Variants in COP1 observed in about 807,000 individuals in gnomAD.
COP1 encodes E3 ubiquitin-protein ligase COP1.
Under a neutral mutation model 101.3 loss-of-function variants are expected in COP1, and 24 were observed. That is an observed-to-expected ratio of 0.24 (90% CI 0.17 to 0.33). The LOEUF is 0.33. Ranked by LOEUF, COP1 falls within the 10% of genes least tolerant of loss-of-function variation. The pLI is 1.00. For synonymous variants in COP1, 347 were observed against 341.9 expected (o/e 1.01, Z -0.17); for missense variants, 663 against 906.2 (o/e 0.73, Z 3.45).
chr1:176,075,304 C>A (rs1305281096), intron 11 of COP1, among the ~76,000 whole-genome samples: 2 of 152,168 alleles, frequency 1.3e-5, no homozygotes, highest in Admixed American at 1.3e-4. Flanking sequence ...AATAAAAGAT[C>A]TCCTCCAATA....
intron 18 of COP1, among the ~76,000 whole-genome samples, chr1:175,955,767 C>CACACACACACACACAA (rs1491153388): frequency 0.039 from 63 of 1,628 alleles, 2 homozygotes; most frequent in African/African-American, 0.072. Context: ...AGAGACAAAC[C>CACACACACACACACAA]ACACACACAC....
chr1:176,103,922 A>G (rs992018035), intron 9 of COP1, among the ~76,000 whole-genome samples: 4 of 152,186 alleles, frequency 2.6e-5, no homozygotes, highest in African/African-American at 9.6e-5. Context: ...GGAGCTAGAT[A>G]AACTGATACT....
At chr1:175,966,854 G>GT (rs1272855755) in intron 18 of COP1, among the ~76,000 whole-genome samples, 7 of 152,116 alleles carry the variant, frequency 4.6e-5, no homozygotes, top group African/African-American at 1.7e-4. Context: ...AACCAAAGTG[G>GT]TAAAGAGTGT....
At chr1:176,114,488 AT>A (rs1558136885) in intron 9 of COP1, among the ~76,000 whole-genome samples, 1 of 151,774 alleles carries the variant, frequency 6.6e-6, no homozygotes, top group East Asian at 1.9e-4. Context: ...TAGGTGTACT[AT>A]TTTTTCAAAT....
chr1:176,120,135 T>C (rs1391390973), intron 8 of COP1, among the ~76,000 whole-genome samples: 3 of 152,138 alleles, frequency 2.0e-5, no homozygotes, highest in African/African-American at 4.8e-5. Flanking sequence ...AATCATATAT[T>C]TTTCAAATAA....
At chr1:176,117,620 C>T (rs1343298066) in intron 8 of COP1, among the ~76,000 whole-genome samples, 7 of 152,186 alleles carry the variant, frequency 4.6e-5, no homozygotes. Context: ...TTAGGCTAGG[C>T]ACGGTCGCTC....
chr1:176,072,955 C>G (rs1677273582), intron 11 of COP1, among the ~76,000 whole-genome samples: 1 of 152,030 alleles, frequency 6.6e-6, no homozygotes, highest in Non-Finnish European at 1.5e-5. Context: ...CTGGGTGTCT[C>G]AAAGGAAAAG....
At chr1:176,159,509 A>C (rs76925198) in intron 5 of COP1, among the ~76,000 whole-genome samples, 4,360 of 152,280 alleles carry the variant, frequency 0.029, 138 homozygotes, top group South Asian at 0.14. Context: ...ATGCGAGCAC[A>C]AGGAGAAAGG....
At chr1:176,123,682 T>C (rs1249516846) in intron 8 of COP1, among the ~76,000 whole-genome samples, 1 of 152,214 alleles carries the variant, frequency 6.6e-6, no homozygotes, top group Admixed American at 6.5e-5. Context: ...TACAGAAGAA[T>C]GTGTAACTTT....
intron 15 of COP1, among the ~76,000 whole-genome samples, chr1:175,990,618 T>G (rs1214845866): frequency 6.6e-6 from 1 of 152,192 alleles, no homozygotes; most frequent in Non-Finnish European, 1.5e-5. Context: ...TGTTTTTCCC[T>G]TAAATATCAC....
intron 18 of COP1, among the ~76,000 whole-genome samples, chr1:175,959,855 A>G (rs887695745): frequency 6.6e-6 from 1 of 152,194 alleles, no homozygotes; most frequent in Non-Finnish European, 1.5e-5. Context: ...CCTGAATTGT[A>G]TAATAGATCA....
chr1:176,101,923 G>A (rs943825758), intron 9 of COP1, among the ~76,000 whole-genome samples: 5 of 152,102 alleles, frequency 3.3e-5, no homozygotes, highest in African/African-American at 1.2e-4. Flanking sequence ...TATCCTTATG[G>A]CAGTTAGATA....
At chr1:175,993,878 C>T (rs995700324) in intron 15 of COP1, among the ~76,000 whole-genome samples, 1 of 152,088 alleles carries the variant, frequency 6.6e-6, no homozygotes, top group Non-Finnish European at 1.5e-5. Flanking sequence ...CTTTCAGATT[C>T]AGGAAATATA....
chr1:176,063,938 A>G (rs553658670), intron 11 of COP1, among the ~76,000 whole-genome samples: 2 of 152,326 alleles, frequency 1.3e-5, no homozygotes, highest in South Asian at 2.1e-4. Flanking sequence ...CACTCATCAC[A>G]AATAGATCAG....
chr1:176,040,493 T>C (rs1670333309), intron 14 of COP1, among the ~76,000 whole-genome samples: 1 of 152,088 alleles, frequency 6.6e-6, no homozygotes, highest in South Asian at 2.1e-4. Context: ...ATTTTTAAAA[T>C]TTTTTGTAGA....
At chr1:176,019,364 G>A (rs1666279789) in intron 15 of COP1, among the ~76,000 whole-genome samples, 1 of 151,390 alleles carries the variant, frequency 6.6e-6, no homozygotes, top group Non-Finnish European at 1.5e-5. Context: ...TCAGGAGGCT[G>A]AGGCAGGAGA....
chr1:176,192,398 G>A (rs1002136195), intron 1 of COP1, among the ~76,000 whole-genome samples: 12 of 152,114 alleles, frequency 7.9e-5, no homozygotes, highest in Admixed American at 3.3e-4. Flanking sequence ...CACAGACACA[G>A]ATCTTCACTA....
intron 3 of COP1, among the ~76,000 whole-genome samples, chr1:176,174,007 A>AAAAAAAAAAAG (rs1456552067): frequency 0.013 from 1,534 of 121,300 alleles, 70 homozygotes; most frequent in East Asian, 0.031. Context: ...AAAAAAAAAA[A>AAAAAAAAAAAG]AGAGAATATA....
Position 175,944,890 on chromosome 1 carries a change from C to A in COP1, c.*263G>T. 3 of 407,600 alleles carry A rather than the reference C, an allele frequency of 7.4e-6. No individual in the cohort carries two copies. The highest frequency in any genetic ancestry group is 1.6e-4 in the South Asian group (2 of 12,860). 25.2% of individuals were successfully genotyped at this position (407,600 alleles called of 1,614,324 possible). Reference sequence around the variant, plus strand: ...ATTTTTATTCAAAAGAATTTGTTTCCCTATCACAAAAATTAGATAACACCA... The same window carrying A: ...ATTTTTATTCAAAAGAATTTGTTTCACTATCACAAAAATTAGATAACACCA... On this transcript the variant is annotated 3_prime_UTR_variant, in exon 20 of 20. Transcript: ENST00000367669.
Sources: gnomAD v4.1 joint callset for allele counts (sites outside exome capture counted in the v4.1 genomes callset) on GRCh38, gnomAD v4.1.1 for gene constraint, MANE v1.5 for transcripts, NCBI Gene and HGNC (gene_info 2026-07-23, HGNC 2026-07-21) for gene names.